Variants in GPC6 observed in about 807,000 individuals in gnomAD.
The protein encoded by GPC6 is glypican 6.
GPC6 carries 14 observed loss-of-function variants against 55.2 expected under a neutral mutation model. The observed-to-expected ratio is 0.25, with a 90% CI of 0.17 to 0.40. The LOEUF is 0.40. Ranked by LOEUF, GPC6 falls within the 10% of genes least tolerant of loss-of-function variation. GPC6 has a pLI of 1.00. For synonymous variants in GPC6, 278 were observed against 259.6 expected (o/e 1.07, Z -0.68); for missense variants, 641 against 708.5 (o/e 0.90, Z 1.08).
chr13:94,286,698 G>A (rs1391781760), intron 5 of GPC6, among the ~76,000 whole-genome samples: 2 of 152,130 alleles, frequency 1.3e-5, no homozygotes, highest in Non-Finnish European at 2.9e-5. Flanking sequence ...ACTCAATCAC[G>A]AAGAAATTAT....
intron 1 of GPC6, among the ~76,000 whole-genome samples, chr13:93,327,271 A>G (rs999421250): frequency 2.5e-4 from 38 of 152,182 alleles, no homozygotes; most frequent in African/African-American, 8.4e-4. Context: ...TTATTAGGGA[A>G]TTGGAGCAAA....
At chr13:93,832,717 G>A (rs1185092630) in intron 3 of GPC6, among the ~76,000 whole-genome samples, 1 of 152,110 alleles carries the variant, frequency 6.6e-6, no homozygotes, top group Non-Finnish European at 1.5e-5. Context: ...CCTCAACTGA[G>A]GTCTTTGTTG....
At chr13:93,821,973 A>G (rs1887060964) in intron 2 of GPC6, among the ~76,000 whole-genome samples, 2 of 152,032 alleles carry the variant, frequency 1.3e-5, no homozygotes. Context: ...TGTCAGGGAT[A>G]TGTGAATGTA....
chr13:93,587,740 G>C (rs1376757775), intron 2 of GPC6, among the ~76,000 whole-genome samples: 1 of 152,124 alleles, frequency 6.6e-6, no homozygotes, highest in Non-Finnish European at 1.5e-5. Context: ...AGGCTGAAAG[G>C]CTTTCTAGGG....
intron 1 of GPC6, among the ~76,000 whole-genome samples, chr13:93,282,657 T>C (rs1213143976): frequency 6.6e-6 from 1 of 152,188 alleles, no homozygotes; most frequent in Non-Finnish European, 1.5e-5. Flanking sequence ...ATAAACACAG[T>C]TTAAATAATC....
intron 8 of GPC6, 27 bp from the exon 9 acceptor site, chr13:94,402,988 C>G: frequency 6.5e-7 from 1 of 1,538,282 alleles, no homozygotes; most frequent in Non-Finnish European, 9.0e-7. Context: ...AGTGGTCTAA[C>G]TTTCTTTTTC....
intron 2 of GPC6, among the ~76,000 whole-genome samples, chr13:93,644,307 C>G (rs1035199099): frequency 4.6e-5 from 7 of 152,136 alleles, no homozygotes; most frequent in African/African-American, 1.2e-4. Context: ...TCTGTATATT[C>G]TTGCAGTTTA....
chr13:93,249,299 T>G (rs906362259), intron 1 of GPC6, among the ~76,000 whole-genome samples: 2 of 152,212 alleles, frequency 1.3e-5, no homozygotes, highest in Non-Finnish European at 2.9e-5. Flanking sequence ...TCCTTATACT[T>G]TAAATTGATT....
At chr13:94,333,983 T>TTGAG (rs1188017663) in intron 6 of GPC6, among the ~76,000 whole-genome samples, 1 of 152,204 alleles carries the variant, frequency 6.6e-6, no homozygotes, top group Non-Finnish European at 1.5e-5. Context: ...AATGACAACT[T>TTGAG]TGAGTCAAGC....
chr13:94,298,417 C>T (rs893645971), intron 5 of GPC6, among the ~76,000 whole-genome samples: 5 of 152,216 alleles, frequency 3.3e-5, no homozygotes, highest in African/African-American at 9.6e-5. Flanking sequence ...GGATAGGATA[C>T]AACTGCTCCA....
At chr13:93,333,929 G>A (rs760044021) in intron 1 of GPC6, among the ~76,000 whole-genome samples, 96 of 152,126 alleles carry the variant, frequency 6.3e-4, no homozygotes, top group Middle Eastern at 3.4e-3. Flanking sequence ...TAGTCTTTAG[G>A]TTTTTTAAAA....
chr13:93,795,559 T>C (rs1274113422), intron 2 of GPC6, among the ~76,000 whole-genome samples: 1 of 152,198 alleles, frequency 6.6e-6, no homozygotes, highest in African/African-American at 2.4e-5. Flanking sequence ...AAGTAAGGAC[T>C]AAACAAATTA....
At chr13:93,991,144 T>A (rs1881286975) in intron 3 of GPC6, among the ~76,000 whole-genome samples, 1 of 152,122 alleles carries the variant, frequency 6.6e-6, no homozygotes, top group Non-Finnish European at 1.5e-5. Flanking sequence ...TGGCTAAGCA[T>A]CCTTAAGAAC....
chr13:94,327,525 G>A (rs1421538628), intron 6 of GPC6, among the ~76,000 whole-genome samples: 1 of 152,062 alleles, frequency 6.6e-6, no homozygotes, highest in African/African-American at 2.4e-5. Context: ...ACTGCAGTCA[G>A]AGCAAAAAAC....
At chr13:93,920,835 T>C (rs2140344934) in intron 3 of GPC6, among the ~76,000 whole-genome samples, 1 of 152,332 alleles carries the variant, frequency 6.6e-6, no homozygotes, top group South Asian at 2.1e-4. Flanking sequence ...TGGCAATCCC[T>C]TGCTCTGAAA....
chr13:93,930,260 TA>T (rs1566608654), intron 3 of GPC6, among the ~76,000 whole-genome samples: 20 of 139,126 alleles, frequency 1.4e-4, no homozygotes, highest in African/African-American at 5.1e-4. Context: ...TTTTAAAGGT[TA>T]TTGGAAACGA....
chr13:94,007,623 T>G (rs1305933535), intron 3 of GPC6, among the ~76,000 whole-genome samples: 1 of 152,128 alleles, frequency 6.6e-6, no homozygotes, highest in Non-Finnish European at 1.5e-5. Flanking sequence ...TTTTCCCCCT[T>G]TAAGTCTTTT....
chr13:94,043,558 T>G (rs1444075966), intron 4 of GPC6, among the ~76,000 whole-genome samples: 1 of 151,834 alleles, frequency 6.6e-6, no homozygotes, highest in African/African-American at 2.4e-5. Context: ...ATTTTGTGTG[T>G]ATATTTTGTG....
chr13:93,859,724 T>A lies in GPC6; in HGVS notation c.711+29179T>A, dbSNP rs1888747624. 2.0e-5 allele frequency among the ~76,000 whole-genome samples: 3 copies of A among 151,570 alleles called. No homozygotes were observed. In the South Asian group the frequency reaches 6.2e-4, roughly 31 times the overall value. ...GTAAGCATTTTATGTGCATTTTGAT[T>A]TCTGTGAGCTACATTGGGAACTGTA... is the stretch of plus-strand genomic sequence containing the variant. On this transcript the variant is annotated intron_variant, in intron 3 of 8. Transcript: ENST00000377047.
Sources: gnomAD v4.1 joint callset for allele counts (sites outside exome capture counted in the v4.1 genomes callset) on GRCh38, gnomAD v4.1.1 for gene constraint, MANE v1.5 for transcripts, NCBI Gene and HGNC (gene_info 2026-07-23, HGNC 2026-07-21) for gene names.